Variants in NRL observed in about 807,000 individuals in gnomAD.
NRL encodes neural retina leucine zipper, also known as neural retina-specific leucine zipper protein.
A neutral mutation model predicts 12.5 loss-of-function variants in NRL; 16 were observed. The ratio of observed to expected loss-of-function variants is 1.28; its 90% CI spans 0.87 to 1.95. The LOEUF (loss-of-function observed/expected upper bound fraction) is 1.95, where lower values mean the gene tolerates loss of function less well. Among genes scored for constraint, NRL ranks in the 30% most tolerant of loss-of-function variants. The pLI is 0.00. For synonymous variants in NRL, 142 were observed against 150.9 expected (o/e 0.94, Z 0.43); for missense variants, 314 against 325.8 (o/e 0.96, Z 0.28).
chr14:24,100,291 C>A, intron 1 of NRL: 1 of 1,569,986 alleles, frequency 6.4e-7, no homozygotes, highest in East Asian at 2.2e-5. Flanking sequence ...TCCACAACCT[C>A]CAACCATCTT....
chr14:24,093,880 G>C (rs1344149732), intron 1 of NRL, among the ~76,000 whole-genome samples: 1 of 152,190 alleles, frequency 6.6e-6, no homozygotes, highest in Non-Finnish European at 1.5e-5. Context: ...CCAGGACTCA[G>C]GGTGTCGCGT....
Position 24,083,189 on chromosome 14 carries a change from A to G in NRL, c.-27-314T>C, listed in dbSNP as rs147287430. The stretch of plus-strand genomic sequence containing the variant: ...GGCAGTGCTCCCAACCCTAGTGCTG[A>G]GACATGCCGAGAGGTCTGTCATCTC... On this transcript the variant is annotated intron_variant, in intron 1 of 2. Coordinates refer to ENST00000561028, the MANE Select transcript of NRL (RefSeq NM_001354768.3). Among the ~76,000 whole-genome samples the G allele has an allele frequency of 3.6e-3, 554 of 152,342 alleles. 5 individuals are homozygous for G. The highest frequency in any genetic ancestry group is 0.013 in the African/African-American group (531 of 41,582).
intron 1 of NRL, among the ~76,000 whole-genome samples, chr14:24,108,001 A>G (rs1050369057): frequency 2.0e-5 from 3 of 152,232 alleles, no homozygotes; most frequent in Admixed American, 2.0e-4. Context: ...TATTAAATTG[A>G]CCTTATTAAA....
intron 1 of NRL, among the ~76,000 whole-genome samples, chr14:24,105,218 G>A (rs1421274651): frequency 6.6e-6 from 1 of 152,254 alleles, no homozygotes; most frequent in Non-Finnish European, 1.5e-5. Context: ...GATCGCTCAT[G>A]CTATTGTTTA....
At position 24,082,683 on chromosome 14, in the gene NRL, G is replaced by C; in HGVS notation, c.166C>G (p.Pro56Ala). ...CCCTCGGTTGCCCCCACCATGCCTGGTTCACTGAAGGTGGGTGAAGGAGGC... is the reference window on the plus strand; with the variant it reads ...CCCTCGGTTGCCCCCACCATGCCTGCTTCACTGAAGGTGGGTGAAGGAGGC... ...SVPPSPTFSE[P>A]GMVGATEGTR... The change falls in exon 2 of 3, where the codon CCA becomes GCA. Residue 56 changes from proline to alanine, a missense_variant. Pro to Ala is a conservative substitution (Grantham distance 27, BLOSUM62 -1). Coordinates refer to ENST00000561028, the MANE Select transcript of NRL (RefSeq NM_001354768.3). 1 of 1,614,162 alleles carries C rather than the reference G, an allele frequency of 6.2e-7. No individual in the cohort carries two copies. Among genetic ancestry groups the C allele is most frequent in the Non-Finnish European group, 8.5e-7 (1 of 1,180,028 alleles).
At chr14:24,098,077 T>C in intron 1 of NRL, 1 of 732,608 alleles carries the variant, frequency 1.4e-6, no homozygotes, top group Non-Finnish European at 2.2e-6. Context: ...GGGACTGAGA[T>C]GTGATTGGGT....
intron 1 of NRL, among the ~76,000 whole-genome samples, chr14:24,097,432 C>T (rs951237544): frequency 5.3e-5 from 8 of 151,136 alleles, no homozygotes; most frequent in African/African-American, 1.5e-4. Context: ...AGCATGGCAG[C>T]GCATGCCTGT....
intron 1 of NRL, chr14:24,102,673 C>G: frequency 8.1e-7 from 1 of 1,230,470 alleles, no homozygotes; most frequent in Admixed American, 2.1e-5. Flanking sequence ...AAGAACCCTG[C>G]AAGAATGTGT....
intron 1 of NRL, chr14:24,102,682 G>T: frequency 2.4e-6 from 3 of 1,245,028 alleles, no homozygotes; most frequent in Non-Finnish European, 3.4e-6. Flanking sequence ...GCAAGAATGT[G>T]TGCCCATGTA....
chr14:24,081,593 G>T lies in NRL; in HGVS notation c.382-25C>A, dbSNP rs115991711. ...GCTGCGGAGGGAGAATGCAGAAACC[G>T]GGTCAGCGCCAGGTCGCACCCGGCT... On this transcript the variant is annotated intron_variant, in intron 2 of 2. Transcript: ENST00000561028. The surrounding 1 kb of genome is among the most constrained non-coding windows in gnomAD (Gnocchi z 4.4). The T allele has an allele frequency of 2.5e-6, 4 of 1,570,876 alleles. No individual in the cohort carries two copies. In the South Asian group the frequency reaches 4.7e-5, roughly 18 times the overall value.
intron 1 of NRL, chr14:24,084,466 G>A (rs1017894690): frequency 1.7e-4 from 141 of 822,086 alleles, no homozygotes; most frequent in Non-Finnish European, 2.0e-4. Context: ...AGGTGTTAAA[G>A]AGGGGGTTCT....
At position 24,102,901 on chromosome 14, in the gene NRL, T is replaced by C. The variant is rs375633420; in HGVS notation, c.-28+11821A>G. ...GCCGCAGACCCAAAGGTAAACAACA[T>C]ATGAGCTCCATGTTCTTGGCAAAAG... On this transcript the variant is annotated intron_variant, in intron 1 of 2. Transcript: ENST00000561028. 7.4e-6 allele frequency: 12 copies of C among 1,611,434 alleles called. No individual in the cohort carries two copies. Among genetic ancestry groups the C allele is most frequent in the Non-Finnish European group, 1.0e-5 (12 of 1,178,812 alleles).
Position 24,102,729 on chromosome 14 carries a change from T to A in NRL, c.-28+11993A>T, listed in dbSNP as rs180748619. The stretch of plus-strand genomic sequence containing the variant: ...GGGGTCGACATGACCTTGGAAATAA[T>A]AGTGTTTGTATTTCCTCTGCCAGGT... On this transcript the variant is annotated intron_variant, in intron 1 of 2. Coordinates refer to ENST00000561028, the MANE Select transcript of NRL (RefSeq NM_001354768.3). 6.2e-6 allele frequency: 10 copies of A among 1,602,768 alleles called. No individual in the cohort carries two copies. The East Asian group carries it at 2.0e-4, about 32-fold the overall frequency.
chr14:24,102,959 C>A, intron 1 of NRL: 1 of 1,481,978 alleles, frequency 6.7e-7, no homozygotes, highest in Non-Finnish European at 9.3e-7. Flanking sequence ...ACCTCCCTCC[C>A]TCTGATCCAG....
intron 1 of NRL, among the ~76,000 whole-genome samples, chr14:24,109,376 G>C (rs1185777641): frequency 6.6e-6 from 1 of 152,280 alleles, no homozygotes; most frequent in East Asian, 1.9e-4. Context: ...GTCATAGTGA[G>C]ATAATCAAGT....
Position 24,106,321 on chromosome 14 carries a change from G to A in NRL, c.-28+8401C>T, listed in dbSNP as rs113777888. On this transcript the variant is annotated intron_variant, in intron 1 of 2. Transcript: ENST00000561028. ...GGAACTCCCTCAAAGGAAAAAACTAGAAGAGGAAACACCAAGTGTTCTCAT... is the reference window on the plus strand; with the variant it reads ...GGAACTCCCTCAAAGGAAAAAACTAAAAGAGGAAACACCAAGTGTTCTCAT... Among the ~76,000 whole-genome samples, 855 of 152,290 alleles carry A rather than the reference G, an allele frequency of 5.6e-3. 12 individuals carry two copies. Among genetic ancestry groups the A allele is most frequent in the African/African-American group, 0.02 (827 of 41,562 alleles).
chr14:24,114,255 T>TA (rs1566588532), intron 1 of NRL: 18 of 152,156 alleles, frequency 1.2e-4, no homozygotes, highest in Non-Finnish European at 1.5e-5. Context: ...GGGATTGTCT[T>TA]AAAAAATTGT....
chr14:24,100,196 G>C, intron 1 of NRL: 1 of 1,614,134 alleles, frequency 6.2e-7, no homozygotes, highest in African/African-American at 1.3e-5. Flanking sequence ...TCCTGGCTGG[G>C]CAAACCCTGG....
At chr14:24,103,767 G>A (rs762837017) in intron 1 of NRL, 3 of 1,614,212 alleles carry the variant, frequency 1.9e-6, no homozygotes, top group East Asian at 4.5e-5. Context: ...CATTGGGCTG[G>A]TGCCAAAGGA....
Sources: gnomAD v4.1 joint callset for allele counts (sites outside exome capture counted in the v4.1 genomes callset) on GRCh38, gnomAD v4.1.1 for gene constraint, Gnocchi (gnomAD v3.1) non-coding constraint, MANE v1.5 for transcripts, NCBI Gene and HGNC (gene_info 2026-07-23, HGNC 2026-07-21) for gene names.